Variants in DIP2B observed in about 807,000 individuals in gnomAD.
DIP2B encodes DIP2 acetate--CoA ligase B (putative).
DIP2B carries 76 observed loss-of-function variants against 198.0 expected under a neutral mutation model. The observed-to-expected ratio is 0.38, with a 90% CI of 0.32 to 0.46. DIP2B has a LOEUF of 0.46. DIP2B is among the 20% of genes least tolerant of loss of function. DIP2B has a pLI of 0.99. For synonymous variants in DIP2B, 701 were observed against 739.1 expected (o/e 0.95, Z 0.84); for missense variants, 1,559 against 1,978.4 (o/e 0.79, Z 4.02).
chr12:50,530,235 C>A (rs1232665729), intron 1 of DIP2B, among the ~76,000 whole-genome samples: 1 of 152,172 alleles, frequency 6.6e-6, no homozygotes, highest in Non-Finnish European at 1.5e-5. Context: ...CGCCATCACG[C>A]CTGGCTAATT....
chr12:50,722,231 AT>A (rs61452037), intron 26 of DIP2B, among the ~76,000 whole-genome samples: 22 of 149,234 alleles, frequency 1.5e-4, no homozygotes, highest in African/African-American at 3.9e-4. Context: ...TTGTTCTGTG[AT>A]TTTTTTTTGT....
intron 3 of DIP2B, among the ~76,000 whole-genome samples, chr12:50,643,530 A>T (rs549176492): frequency 6.6e-6 from 1 of 151,958 alleles, no homozygotes; most frequent in South Asian, 2.1e-4. Flanking sequence ...CCCTGAAGAT[A>T]TTGAAAGCTA....
chr12:50,600,828 C>G (rs1462402312), intron 1 of DIP2B, among the ~76,000 whole-genome samples: 1 of 151,872 alleles, frequency 6.6e-6, no homozygotes, highest in African/African-American at 2.4e-5. Context: ...CCCTGGAAAC[C>G]TCTTCCCAAG....
chr12:50,725,860 T>A (rs1427794977), intron 28 of DIP2B, among the ~76,000 whole-genome samples: 1 of 149,446 alleles, frequency 6.7e-6, no homozygotes, highest in Non-Finnish European at 1.5e-5. Context: ...CTACCCTTTT[T>A]TTTTTTTTTT....
chr12:50,538,030 T>C (rs909204525), intron 1 of DIP2B, among the ~76,000 whole-genome samples: 45 of 152,336 alleles, frequency 3.0e-4, no homozygotes, highest in African/African-American at 1.0e-3. Flanking sequence ...AGAGTACTTA[T>C]TTATTTTACT....
chr12:50,642,488 A>G (rs1325601068), intron 3 of DIP2B, among the ~76,000 whole-genome samples: 1 of 152,212 alleles, frequency 6.6e-6, no homozygotes, highest in East Asian at 1.9e-4. Context: ...AGAAGGGAAT[A>G]GAAGTATTTA....
chr12:50,686,073 T>A (rs1939125471), intron 11 of DIP2B, 117 bp downstream of exon 11: 5 of 1,063,872 alleles, frequency 4.7e-6, no homozygotes, highest in Non-Finnish European at 6.5e-6. Context: ...ATTCTCATAG[T>A]CTTATGAAGT....
Position 50,625,977 on chromosome 12 carries a change from G to A in DIP2B, c.102G>A (p.Gly34=). The A allele has an allele frequency of 1.2e-6, 2 of 1,613,800 alleles. No individual in the cohort carries two copies. The highest frequency in any genetic ancestry group is 1.7e-6 in the Non-Finnish European group (2 of 1,179,850). Residue 34 remains glycine, a splice_region_variant and synonymous_variant, in exon 2 of 38, where the codon GGG becomes GGA. Transcript: ENST00000301180. ...TATTTCTGTTTCTTGCTATTTTAGG[G>A]GACATCACCCAGAAGGGCTATGAAA... ...LAELELELSE[G]DITQKGYEKK...
chr12:50,737,375 A>G (rs1940156097), intron 35 of DIP2B, among the ~76,000 whole-genome samples: 1 of 152,208 alleles, frequency 6.6e-6, no homozygotes, highest in Non-Finnish European at 1.5e-5. Flanking sequence ...AGCAAATCCT[A>G]CATATTCCCA....
rs576417914 is a variant in DIP2B, at chr12:50,728,752, T to G, written c.3641+74T>G. The G allele has an allele frequency of 2.0e-6, 3 of 1,536,918 alleles. No homozygotes were observed. In the African/African-American group the frequency reaches 4.1e-5, roughly 21 times the overall value. On this transcript the variant is annotated intron_variant, in intron 30 of 37. Coordinates refer to ENST00000301180, the MANE Select transcript of DIP2B (RefSeq NM_173602.3). Reference sequence around the variant, plus strand: ...TGGCCATGGCCATCTCATCCTTCCCTTTGCTCCCTTAATTTGGTAAAGTTT... The same window carrying G: ...TGGCCATGGCCATCTCATCCTTCCCGTTGCTCCCTTAATTTGGTAAAGTTT...
chr12:50,612,430 CT>C (rs34710255), intron 1 of DIP2B, among the ~76,000 whole-genome samples: 8,337 of 136,660 alleles, frequency 0.061, 310 homozygotes, highest in African/African-American at 0.13. Context: ...TTCATAATAA[CT>C]TTTTTTTTTT....
chr12:50,649,161 C>T (rs935635326), intron 3 of DIP2B, among the ~76,000 whole-genome samples: 4 of 152,116 alleles, frequency 2.6e-5, no homozygotes, highest in Non-Finnish European at 5.9e-5. Flanking sequence ...ACCATGAAGA[C>T]GCCAGGTCTG....
chr12:50,697,156 A>T lies in DIP2B; in HGVS notation c.2029A>T (p.Met677Leu). 6.2e-7 allele frequency: 1 copy of T among 1,614,044 alleles called. No homozygotes were observed. The highest frequency in any genetic ancestry group is 8.5e-7 in the Non-Finnish European group (1 of 1,179,964). The change falls in exon 17 of 38, where the codon ATG becomes TTG. Residue 677 changes from methionine (M) to leucine (L), a missense_variant. Transcript: ENST00000301180. The part of the protein sequence containing the change: ...ICPCATSAEA[M>L]TVAIRRPGVP... Reference sequence around the variant, plus strand: ...TCCGTGCGCCACGTCTGCTGAAGCCATGACTGTAGCAATCCGCAGGTACTG... The same window carrying T: ...TCCGTGCGCCACGTCTGCTGAAGCCTTGACTGTAGCAATCCGCAGGTACTG...
chr12:50,656,603 G>A (rs1289903319), intron 3 of DIP2B, among the ~76,000 whole-genome samples: 3 of 152,088 alleles, frequency 2.0e-5, no homozygotes, highest in African/African-American at 7.2e-5. Flanking sequence ...ATGGAGTCTC[G>A]CTCTTTCACC....
chr12:50,643,442 TGTG>T (rs1938295951), intron 3 of DIP2B, among the ~76,000 whole-genome samples: 1 of 149,726 alleles, frequency 6.7e-6, no homozygotes, highest in African/African-American at 2.5e-5. Flanking sequence ...TGTGTGTGTG[TGTG>T]TGTGTGTTTT....
intron 1 of DIP2B, among the ~76,000 whole-genome samples, chr12:50,600,178 C>A (rs1020510248): frequency 6.6e-6 from 1 of 152,152 alleles, no homozygotes; most frequent in East Asian, 1.9e-4. Flanking sequence ...TGAATTATAT[C>A]TCTGCCCCCT....
At chr12:50,703,241 GA>G (rs1939454523) in intron 19 of DIP2B, among the ~76,000 whole-genome samples, 2 of 150,026 alleles carry the variant, frequency 1.3e-5, no homozygotes, top group African/African-American at 2.5e-5. Context: ...AAAAAAAAAA[GA>G]TTTTTTTTTT....
At chr12:50,511,289 C>CTCTTTTT (rs1316212138) in intron 1 of DIP2B, among the ~76,000 whole-genome samples, 1 of 20,944 alleles carries the variant, frequency 4.8e-5, no homozygotes, top group African/African-American at 1.3e-4. Context: ...AGTGTGATTT[C>CTCTTTTT]TATTTTTTTT....
chr12:50,695,208 T>C, intron 14 of DIP2B, 59 bp from the exon 15 acceptor site: 1 of 1,427,668 alleles, frequency 7.0e-7, no homozygotes, highest in Non-Finnish European at 9.8e-7. Context: ...CCAGCTCAAT[T>C]TTAAAATACT....
Sources: gnomAD v4.1 joint callset for allele counts (sites outside exome capture counted in the v4.1 genomes callset) on GRCh38, gnomAD v4.1.1 for gene constraint, MANE v1.5 for transcripts, NCBI Gene and HGNC (gene_info 2026-07-23, HGNC 2026-07-21) for gene names.